The following BCAR3 variants were observed in gnomAD, a reference collection of about 807,000 sequenced individuals.
BCAR3 encodes BCAR3 adaptor protein, NSP family member.
A neutral mutation model predicts 80.1 loss-of-function variants in BCAR3; 37 were observed. The ratio of observed to expected loss-of-function variants is 0.46; its 90% CI spans 0.36 to 0.61. BCAR3 has a LOEUF of 0.61. Among genes scored for constraint, BCAR3 ranks in the 20% least tolerant of loss-of-function variants. The probability of loss-of-function intolerance (pLI) is 0.00; values close to 1 mark genes in which losing one functional copy is unlikely to be tolerated. For synonymous variants in BCAR3, 389 were observed against 418.9 expected (o/e 0.93, Z 0.87); for missense variants, 978 against 1,068.2 (o/e 0.92, Z 1.18).
intron 2 of BCAR3, among the ~76,000 whole-genome samples, chr1:93,762,522 C>T (rs1651986028): frequency 6.6e-6 from 1 of 152,178 alleles, no homozygotes; most frequent in African/African-American, 2.4e-5. Context: ...GTGCTGATGG[C>T]CACACCTGGC....
intron 2 of BCAR3, among the ~76,000 whole-genome samples, chr1:93,788,129 CT>C (rs1653016534): frequency 6.6e-6 from 1 of 152,100 alleles, no homozygotes; most frequent in Non-Finnish European, 1.5e-5. Context: ...ATAAGAATAG[CT>C]ACTCCTGCTT....
intron 3 of BCAR3, among the ~76,000 whole-genome samples, chr1:93,639,394 C>G (rs1284870389): frequency 6.6e-6 from 1 of 152,100 alleles, no homozygotes; most frequent in Non-Finnish European, 1.5e-5. Flanking sequence ...AGGAGGCAGT[C>G]CCAGACCTCT....
chr1:93,607,771 T>C (rs1444755440), intron 3 of BCAR3, among the ~76,000 whole-genome samples: 1 of 152,170 alleles, frequency 6.6e-6, no homozygotes, highest in Non-Finnish European at 1.5e-5. Flanking sequence ...CTTCAGGAAG[T>C]CCCCTGATCC....
chr1:93,584,351 A>G (rs575089621), intron 5 of BCAR3, among the ~76,000 whole-genome samples: 2 of 152,298 alleles, frequency 1.3e-5, no homozygotes, highest in East Asian at 1.9e-4. Context: ...CCCATGACCA[A>G]TGCAGCAGCT....
At chr1:93,777,295 G>C (rs956914966) in intron 2 of BCAR3, among the ~76,000 whole-genome samples, 3 of 152,154 alleles carry the variant, frequency 2.0e-5, no homozygotes, top group African/African-American at 7.2e-5. Flanking sequence ...TACAATTATT[G>C]ATACCCAGAA....
At chr1:93,686,187 C>T (rs990718834), upstream of BCAR3, among the ~76,000 whole-genome samples, 19 of 152,110 alleles carry the variant, frequency 1.2e-4, no homozygotes, top group Non-Finnish European at 5.9e-5. Flanking sequence ...AGGGCTTTCT[C>T]TAGGCTGGTG....
At chr1:93,826,807 T>C (rs980037106) in intron 2 of BCAR3, among the ~76,000 whole-genome samples, 8 of 152,002 alleles carry the variant, frequency 5.3e-5, no homozygotes, top group African/African-American at 1.5e-4. Flanking sequence ...TGTGTGTGTG[T>C]GCGTGCATGT....
At chr1:93,754,201 C>T (rs566106739) in intron 2 of BCAR3, 1 of 152,312 alleles carries the variant, frequency 6.6e-6, no homozygotes, top group Non-Finnish European at 1.5e-5. Context: ...TGAAATTCTG[C>T]CCTGTACTTG....
Position 93,796,420 on chromosome 1 carries a change from C to T in BCAR3, c.-63+49147G>A, listed in dbSNP as rs538712192. ...TTCGGGTGGGAGTGACCTGATTTTCCAGGTGCGTCCGTCACCCCTTTCTTT... is the reference window on the plus strand; with the variant it reads ...TTCGGGTGGGAGTGACCTGATTTTCTAGGTGCGTCCGTCACCCCTTTCTTT... On this transcript the variant is annotated intron_variant, in intron 2 of 13. Coordinates refer to the BCAR3 transcript ENST00000370244. Among the ~76,000 whole-genome samples, 202 of 146,938 alleles carry T rather than the reference C, an allele frequency of 1.4e-3. 7 individuals are homozygous for T. The highest frequency in any genetic ancestry group is 5.1e-3 in the African/African-American group (190 of 37,492).
At position 93,704,001 on chromosome 1, in the gene BCAR3, C is replaced by T. The variant is rs547864296; in HGVS notation, c.-12+2091G>A. The stretch of plus-strand genomic sequence containing the variant: ...GAAATTAAACATTCAGTTATTCACA[C>T]TAGCCACATTTCAGGTGCTGAATAG... On this transcript the variant is annotated intron_variant, in intron 3 of 13. Transcript: ENST00000370244. 5.3e-5 allele frequency among the ~76,000 whole-genome samples: 8 copies of T among 152,358 alleles called. No homozygotes were observed. In the South Asian group the frequency reaches 1.7e-3, roughly 32 times the overall value.
chr1:93,771,467 T>C (rs2100742759), intron 2 of BCAR3, among the ~76,000 whole-genome samples: 1 of 152,312 alleles, frequency 6.6e-6, no homozygotes, highest in East Asian at 1.9e-4. Context: ...CCTCTTATTA[T>C]TACCTGCAAA....
intron 3 of BCAR3, among the ~76,000 whole-genome samples, chr1:93,695,422 G>A (rs1051139537): frequency 7.9e-5 from 12 of 152,070 alleles, no homozygotes; most frequent in Admixed American, 7.2e-4. Context: ...CTCTCCACCT[G>A]TCTCTTCACT....
chr1:93,777,876 A>G (rs1299336870), intron 2 of BCAR3, among the ~76,000 whole-genome samples: 3 of 152,220 alleles, frequency 2.0e-5, no homozygotes, highest in Admixed American at 1.3e-4. Context: ...TTGGTTCCCC[A>G]GTATTATCCA....
chr1:93,592,587 C>T lies in BCAR3; in HGVS notation c.358-194G>A, dbSNP rs1395506413. 8 of 653,190 alleles carry T rather than the reference C, an allele frequency of 1.2e-5. No homozygotes were observed. In the African/African-American group the frequency reaches 1.5e-4, roughly 12 times the overall value. 40.5% of individuals were successfully genotyped at this position (653,190 alleles called of 1,614,324 possible). On this transcript the variant is annotated intron_variant, in intron 3 of 11. Transcript: ENST00000260502. The surrounding 1 kb of genome is among the most constrained non-coding windows in gnomAD (Gnocchi z 4.8). Reference sequence around the variant, plus strand: ...CCGCAACCATGTAATAAAATTTTCACCTGCACATGGGGACTATGGTAGGAG... The same window carrying T: ...CCGCAACCATGTAATAAAATTTTCATCTGCACATGGGGACTATGGTAGGAG...
intron 3 of BCAR3, among the ~76,000 whole-genome samples, chr1:93,639,241 G>A (rs1191355431): frequency 6.6e-6 from 1 of 152,096 alleles, no homozygotes; most frequent in Non-Finnish European, 1.5e-5. Context: ...ACGGTGCTAG[G>A]AGGACACACA....
intron 2 of BCAR3, among the ~76,000 whole-genome samples, chr1:93,804,818 T>C (rs1653608688): frequency 6.6e-6 from 1 of 152,222 alleles, no homozygotes; most frequent in African/African-American, 2.4e-5. Flanking sequence ...AATATTTGAG[T>C]TGTTTCCAGT....
chr1:93,787,773 G>T (rs1207606158), intron 2 of BCAR3, among the ~76,000 whole-genome samples: 1 of 152,164 alleles, frequency 6.6e-6, no homozygotes, highest in Non-Finnish European at 1.5e-5. Context: ...CTGATGAGAA[G>T]AATATATATT....
intron 5 of BCAR3, among the ~76,000 whole-genome samples, chr1:93,588,092 A>C (rs974718994): frequency 1.3e-5 from 2 of 152,068 alleles, no homozygotes. Context: ...CACCAAGTGA[A>C]CCACCCTTTC....
chr1:93,834,639 C>G (rs1571160024), intron 2 of BCAR3, among the ~76,000 whole-genome samples: 1 of 152,352 alleles, frequency 6.6e-6, no homozygotes, highest in South Asian at 2.1e-4. Flanking sequence ...TGTGTGGCAG[C>G]TGCCGCTGCT....
Sources: gnomAD v4.1 joint callset for allele counts (sites outside exome capture counted in the v4.1 genomes callset) on GRCh38, gnomAD v4.1.1 for gene constraint, Gnocchi (gnomAD v3.1) non-coding constraint, MANE v1.5 for transcripts, NCBI Gene and HGNC (gene_info 2026-07-23, HGNC 2026-07-21) for gene names.